SYNE3: variants seen among roughly 807,000 people sequenced by gnomAD.
SYNE3 encodes the protein spectrin repeat containing nuclear envelope family member 3.
SYNE3 carries 100 observed loss-of-function variants against 111.2 expected under a neutral mutation model. That is an observed-to-expected ratio of 0.90 (90% CI 0.77 to 1.06). The LOEUF (loss-of-function observed/expected upper bound fraction) is 1.06, where lower values mean the gene tolerates loss of function less well. Among genes scored for constraint, SYNE3 ranks in the 50% least tolerant of loss-of-function variants. The probability of loss-of-function intolerance (pLI) is 0.00; values close to 1 mark genes in which losing one functional copy is unlikely to be tolerated. For synonymous variants in SYNE3, 547 were observed against 533.9 expected, an observed-to-expected ratio of 1.02 and a Z score of -0.34; for missense variants, 1,160 against 1,240.3, an observed-to-expected ratio of 0.94 and a Z score of 0.97.
intron 1 of SYNE3, among the ~76,000 whole-genome samples, chr14:95,510,082 C>T (rs1288400265): frequency 1.3e-5 from 2 of 152,306 alleles, no homozygotes; most frequent in Admixed American, 1.3e-4. Context: ...AAATACTTCT[C>T]CAGCGCCCAC....
At chr14:95,430,955 C>T (rs1885728330) in intron 17 of SYNE3, among the ~76,000 whole-genome samples, 1 of 152,240 alleles carries the variant, frequency 6.6e-6, no homozygotes, top group Admixed American at 6.5e-5. Context: ...ACTGCCCTGC[C>T]CAGTCCATTG....
intron 1 of SYNE3, among the ~76,000 whole-genome samples, chr14:95,490,467 C>A (rs967138630): frequency 6.6e-6 from 1 of 152,216 alleles, no homozygotes; most frequent in Admixed American, 6.5e-5. Flanking sequence ...CCATGGCCAG[C>A]CCTTTATTAC....
Position 95,413,384 on chromosome 14 carries a change from A to G in SYNE3, c.*4442T>C, listed in dbSNP as rs1903484300. ...CCGCCCTCTCCAGCCAGACCACCAT[A>G]AAGTGCAGTTCCTCAAAGCTTCTGC... On this transcript the variant is annotated 3_prime_UTR_variant, in exon 18 of 18. Coordinates refer to ENST00000682763, the MANE Select transcript of SYNE3 (RefSeq NM_152592.6). 1 of 152,318 alleles carries G rather than the reference A, an allele frequency of 6.6e-6. No individual in the cohort carries two copies. The highest frequency in any genetic ancestry group is 6.5e-5 in the Admixed American group (1 of 15,270). 9.4% of individuals were successfully genotyped at this position (152,318 alleles called of 1,614,324 possible).
intron 14 of SYNE3, 105 bp from the exon 15 acceptor site, chr14:95,437,086 G>C (rs1489863022): frequency 7.1e-7 from 1 of 1,398,726 alleles, no homozygotes; most frequent in Non-Finnish European, 9.8e-7. Context: ...AGGACAAGAT[G>C]CCCAAAATGG....
At chr14:95,455,859 T>C (rs758897821) in intron 5 of SYNE3, 135 bp from the exon 6 acceptor site, 2 of 846,442 alleles carry the variant, frequency 2.4e-6, no homozygotes, top group Admixed American at 2.6e-5. Context: ...GAGAGGGGCC[T>C]TCCCAAGGGC....
intron 16 of SYNE3, 150 bp downstream of exon 16, chr14:95,433,110 C>T: frequency 2.6e-6 from 3 of 1,158,970 alleles, no homozygotes; most frequent in Non-Finnish European, 3.6e-6. Flanking sequence ...CCATGAGTGT[C>T]CCTGTCCTCT....
intron 1 of SYNE3, among the ~76,000 whole-genome samples, chr14:95,499,308 C>A (rs145776539): frequency 3.3e-4 from 51 of 152,294 alleles, no homozygotes; most frequent in African/African-American, 1.2e-3. Context: ...ACAGCCTCCA[C>A]CTGAGAAAGT....
intron 11 of SYNE3, among the ~76,000 whole-genome samples, chr14:95,441,590 G>A (rs939547927): frequency 6.6e-6 from 1 of 152,246 alleles, no homozygotes; most frequent in Non-Finnish European, 1.5e-5. Context: ...CTCAGTTAAC[G>A]CTGCTTCTCG....
At chr14:95,423,525 A>G (rs113535804) in intron 17 of SYNE3, among the ~76,000 whole-genome samples, 1 of 93,010 alleles carries the variant, frequency 1.1e-5, no homozygotes, top group Non-Finnish European at 2.1e-5. Context: ...GGGGATGGGG[A>G]TTTGATGGGG....
intron 1 of SYNE3, among the ~76,000 whole-genome samples, chr14:95,501,923 C>G (rs139751475): frequency 2.0e-5 from 3 of 152,204 alleles, no homozygotes; most frequent in African/African-American, 7.2e-5. Context: ...CAGACTCTTG[C>G]GGGGGCACAC....
intron 10 of SYNE3, 37 bp from the exon 11 acceptor site, chr14:95,443,326 C>T: frequency 1.9e-6 from 3 of 1,612,688 alleles, no homozygotes; most frequent in Non-Finnish European, 1.7e-6. Context: ...CTAATCTTCC[C>T]ACCTCTCCCT....
At chr14:95,435,632 A>G (rs543450154) in intron 15 of SYNE3, among the ~76,000 whole-genome samples, 1 of 152,328 alleles carries the variant, frequency 6.6e-6, no homozygotes, top group Non-Finnish European at 1.5e-5. Context: ...ATAAGGTTAG[A>G]GAGTTTTCCA....
chr14:95,481,943 G>A (rs1355678997), intron 1 of SYNE3, among the ~76,000 whole-genome samples: 13 of 152,238 alleles, frequency 8.5e-5, no homozygotes, highest in African/African-American at 2.4e-4. Flanking sequence ...GCCAACTGAG[G>A]CTGAGGGCCC....
rs1631167 is a variant in SYNE3, at chr14:95,417,361, G to A, written c.*465C>T. Reference sequence around the variant, plus strand: ...GTGAGGGTCTATGGCGCTCTTCCACGTTGCAGCTCAGAGGCCTTTCATTAC... The same window carrying A: ...GTGAGGGTCTATGGCGCTCTTCCACATTGCAGCTCAGAGGCCTTTCATTAC... On this transcript the variant is annotated 3_prime_UTR_variant, in exon 18 of 18. Transcript: ENST00000682763. The A allele has an allele frequency of 4.5e-5, 9 of 200,786 alleles. No homozygotes were observed. Among genetic ancestry groups the A allele is most frequent in the South Asian group, 1.9e-4 (2 of 10,782 alleles). The allele number at this position is 200,786 out of a possible 1,614,324, so 12.4% of individuals were successfully genotyped here. A position where few individuals can be genotyped will look rare whatever the true frequency, so the allele number is the denominator to read the frequency against.
At chr14:95,465,491 T>G (rs1242762813) in intron 4 of SYNE3, among the ~76,000 whole-genome samples, 1 of 151,382 alleles carries the variant, frequency 6.6e-6, no homozygotes. Flanking sequence ...AGTGAATGGG[T>G]GAGTGAGGAA....
At position 95,415,384 on chromosome 14, in the gene SYNE3, G is replaced by GCA. The variant is rs1032287909; in HGVS notation, c.*2440_*2441dup. 7.9e-5 allele frequency: 12 copies of GCA among 151,626 alleles called. No homozygotes were observed. Among genetic ancestry groups the GCA allele is most frequent in the African/African-American group, 2.9e-4 (12 of 41,212 alleles). The allele number at this position is 151,626 out of a possible 1,614,324, so 9.4% of individuals were successfully genotyped here. ...TGATTTTCCAGTAAGGTGGTCGCCT[G>GCA]CAGAGAACGGCCCTATGGCTTGGTT... On this transcript the variant is annotated 3_prime_UTR_variant, in exon 18 of 18. Coordinates refer to ENST00000682763, the MANE Select transcript of SYNE3 (RefSeq NM_152592.6).
At chr14:95,513,601 T>G (rs1450002126) in intron 1 of SYNE3, among the ~76,000 whole-genome samples, 1 of 151,878 alleles carries the variant, frequency 6.6e-6, no homozygotes, top group African/African-American at 2.4e-5. Flanking sequence ...CCCCGTCCAC[T>G]TCCTAGCTTC....
chr14:95,473,022 G>A (rs1005797203), intron 2 of SYNE3, among the ~76,000 whole-genome samples: 1 of 152,176 alleles, frequency 6.6e-6, no homozygotes, highest in Admixed American at 6.5e-5. Flanking sequence ...CAGCACCCGG[G>A]GGCAGGTCCC....
chr14:95,513,737 T>TTTTATATATA (rs1890804182), intron 1 of SYNE3, among the ~76,000 whole-genome samples: 2 of 92,504 alleles, frequency 2.2e-5, no homozygotes, highest in Non-Finnish European at 4.1e-5. Context: ...GCTGCTTAGA[T>TTTTATATATA]TATATATATA....
Sources: gnomAD v4.1 joint callset for allele counts (sites outside exome capture counted in the v4.1 genomes callset) on GRCh38, gnomAD v4.1.1 for gene constraint, MANE v1.5 for transcripts, NCBI Gene and HGNC (gene_info 2026-07-23, HGNC 2026-07-21) for gene names.